Variants in PPL observed in about 807,000 individuals in gnomAD.
The protein encoded by PPL is 190 kDa paraneoplastic pemphigus antigen.
A neutral mutation model predicts 194.4 loss-of-function variants in PPL; 198 were observed. The observed-to-expected ratio is 1.02, with a 90% CI of 0.91 to 1.15. The LOEUF is 1.15. Among genes scored for constraint, PPL ranks in the 50% most tolerant of loss-of-function variants. PPL has a pLI of 0.00. For missense variants in PPL, 2,885 were observed against 2,294.8 expected, an observed-to-expected ratio of 1.26 and a Z score of -5.25; for synonymous variants, 1,220 against 972.4, an observed-to-expected ratio of 1.25 and a Z score of -4.74.
At position 4,899,032 on chromosome 16, in the gene PPL, G is replaced by A. The variant is rs745524849; in HGVS notation, c.857C>T (p.Pro286Leu). The change falls in exon 8 of 22, where the codon CCC becomes CTC. Residue 286 changes from proline (P) to leucine (L), a missense_variant. Transcript: ENST00000345988. ...EGDQLLAAEH[P>L]GRNSIEAHME... ...ATGAACCTCAATGGAGTTCCTCCCGGGGTGCTCGGCCGCCAGCAGCTGGTC... is the reference window on the plus strand; with the variant it reads ...ATGAACCTCAATGGAGTTCCTCCCGAGGTGCTCGGCCGCCAGCAGCTGGTC... 1.2e-5 allele frequency: 20 copies of A among 1,613,516 alleles called. No individual in the cohort carries two copies. In the Admixed American group the frequency reaches 1.7e-4, roughly 13 times the overall value.
chr16:4,887,038 A>G, intron 21 of PPL, 97 bp downstream of exon 21: 1 of 1,037,876 alleles, frequency 9.6e-7, no homozygotes. Flanking sequence ...GCAAGGGGAC[A>G]CTTCCATCAA....
rs772796507 is a variant in PPL at position 4,903,920 on chromosome 16, T to C, written c.283A>G (p.Met95Val). ...ATCATGTCCCCCTGTGGGTGCTTCA[T>C]GTGCTTGGCAATGGCCGCATCCGCC... is the stretch of plus-strand genomic sequence containing the variant. ...LEADAAIAKH[M>V]KHPQGDMIAE... The change falls in exon 3 of 22, where the codon ATG becomes GTG. Residue 95 changes from methionine (M) to valine (V), a missense_variant. Coordinates refer to ENST00000345988, the MANE Select transcript of PPL (RefSeq NM_002705.5). 4.3e-6 allele frequency: 7 copies of C among 1,613,986 alleles called. No individual in the cohort carries two copies. Among genetic ancestry groups the C allele is most frequent in the East Asian group, 2.2e-5 (1 of 44,892 alleles).
At chr16:4,925,802 G>C (rs757761008) in intron 1 of PPL, among the ~76,000 whole-genome samples, 37 of 152,158 alleles carry the variant, frequency 2.4e-4, no homozygotes, top group Admixed American at 7.9e-4. Flanking sequence ...GTACAAAGGG[G>C]ACATCAGTAT....
intron 14 of PPL, among the ~76,000 whole-genome samples, chr16:4,892,593 G>A (rs1035766409): frequency 2.6e-5 from 4 of 152,226 alleles, no homozygotes; most frequent in Non-Finnish European, 4.4e-5. Flanking sequence ...GAAGGGACTT[G>A]TGGGGTCAGG....
At chr16:4,936,350 C>T (rs1568073530) in intron 1 of PPL, among the ~76,000 whole-genome samples, 1 of 152,196 alleles carries the variant, frequency 6.6e-6, no homozygotes, top group South Asian at 2.1e-4. Context: ...CCCGACCCCA[C>T]ACCCCCCAGG....
chr16:4,899,167 C>A, intron 7 of PPL, 47 bp from the exon 8 acceptor site: 3 of 1,613,650 alleles, frequency 1.9e-6, no homozygotes, highest in South Asian at 1.1e-5. Flanking sequence ...GCCTGGCGGT[C>A]CCGTGCTCCT....
rs57292906 is a variant in PPL at position 4,886,015 on chromosome 16, C to T, written c.2640G>A (p.Leu880=). 685 of 1,614,002 alleles carry T rather than the reference C, an allele frequency of 4.2e-4. 2 individuals are homozygous for T. In the African/African-American group the frequency reaches 7.8e-3, roughly 18 times the overall value. ...QPEVEVTHET[L]QRNRPDSGVE... ...CTCCAGAGTCCGGCCTATTCCTTTG[C>T]AGGGTCTCATGGGTCACTTCTACTT... Residue 880 remains leucine (L), a synonymous_variant, in exon 22 of 22, where the codon CTG becomes CTA. Transcript: ENST00000345988.
At chr16:4,895,761 G>C (rs937136676) in intron 9 of PPL, 45 bp from the exon 10 acceptor site, 2 of 1,612,400 alleles carry the variant, frequency 1.2e-6, no homozygotes, top group African/African-American at 2.7e-5. Context: ...ACCACTAGAA[G>C]CACCTGGGCT....
intron 1 of PPL, among the ~76,000 whole-genome samples, chr16:4,924,881 C>T (rs2089127366): frequency 6.6e-6 from 1 of 152,208 alleles, no homozygotes; most frequent in South Asian, 2.1e-4. Flanking sequence ...ATCGGAGGGG[C>T]CACGTTCCTG....
At chr16:4,887,332 G>A in intron 20 of PPL, 105 bp from the exon 21 acceptor site, 1 of 846,444 alleles carries the variant, frequency 1.2e-6, no homozygotes, top group East Asian at 2.5e-5. Flanking sequence ...TGTGGAATTT[G>A]GGGGTAGAGG....
chr16:4,892,365 A>T, intron 14 of PPL, 152 bp from the exon 15 acceptor site: 1 of 877,296 alleles, frequency 1.1e-6, no homozygotes, highest in Non-Finnish European at 1.7e-6. Context: ...CGGCATCTGG[A>T]CCCCAGCCTG....
chr16:4,885,269 T>A lies in PPL; in HGVS notation c.3386A>T (p.Glu1129Val), dbSNP rs1456575414. 9 of 1,611,752 alleles carry A rather than the reference T, an allele frequency of 5.6e-6. No homozygotes were observed. Among genetic ancestry groups the A allele is most frequent in the Non-Finnish European group, 7.6e-6 (9 of 1,179,890 alleles). Residue 1129 changes from glutamate to valine, a missense_variant, in exon 22 of 22, where the codon GAG (glutamate) becomes GTG (valine). Coordinates refer to ENST00000345988, the MANE Select transcript of PPL (RefSeq NM_002705.5). This position sits in a 1 kb window ranked among gnomAD's most constrained non-coding sequence, Gnocchi z 6.3. ...ATATTGGCGGGTGAGATCGCTGACC[T>A]CCCTCTCGGTGGCCGCGTCCTTCTC... ...KVEKDAATER[E>V]VSDLTRQYED...
At chr16:4,931,627 C>G (rs1029886516) in intron 1 of PPL, among the ~76,000 whole-genome samples, 2 of 152,144 alleles carry the variant, frequency 1.3e-5, no homozygotes, top group Admixed American at 6.5e-5. Flanking sequence ...ACAGACCTGC[C>G]GGGAGCAGAG....
At chr16:4,896,934 C>T (rs2088441735) in intron 9 of PPL, among the ~76,000 whole-genome samples, 1 of 151,928 alleles carries the variant, frequency 6.6e-6, no homozygotes, top group Non-Finnish European at 1.5e-5. Context: ...CGTGCCCAGC[C>T]AGGGTATAGG....
At chr16:4,910,256 G>T (rs981378499) in intron 2 of PPL, among the ~76,000 whole-genome samples, 1 of 152,216 alleles carries the variant, frequency 6.6e-6, no homozygotes. Context: ...AGAAAGACCT[G>T]CACCCTGAGT....
chr16:4,933,295 C>A (rs2089249229), intron 1 of PPL, among the ~76,000 whole-genome samples: 1 of 152,192 alleles, frequency 6.6e-6, no homozygotes, highest in South Asian at 2.1e-4. Context: ...AGGAGCGCTC[C>A]ATCAGGGCGG....
chr16:4,935,163 C>T (rs932608175), intron 1 of PPL, among the ~76,000 whole-genome samples: 12 of 152,178 alleles, frequency 7.9e-5, no homozygotes, highest in African/African-American at 2.9e-4. Context: ...CCTCCCAGTC[C>T]CTGCAGCTAT....
At chr16:4,915,369 G>A (rs546424677) in intron 1 of PPL, among the ~76,000 whole-genome samples, 8 of 152,350 alleles carry the variant, frequency 5.3e-5, no homozygotes, top group Non-Finnish European at 1.0e-4. Flanking sequence ...TACAGCCTCC[G>A]CTTCTCCATC....
intron 2 of PPL, among the ~76,000 whole-genome samples, chr16:4,908,681 G>A (rs572486048): frequency 2.7e-4 from 41 of 151,928 alleles, no homozygotes; most frequent in Non-Finnish European, 2.5e-4. Context: ...GGGATTACAG[G>A]CACACACACC....
Sources: allele counts gnomAD v4.1 joint callset (sites outside exome capture counted in the v4.1 genomes callset), GRCh38; gene constraint gnomAD v4.1.1; non-coding constraint Gnocchi (gnomAD v3.1); transcripts MANE v1.5; gene names NCBI Gene and HGNC (gene_info 2026-07-23, HGNC 2026-07-21).